The following ST6GAL1 variants were observed in gnomAD, a reference collection of about 807,000 sequenced individuals.
ST6GAL1 encodes beta-galactoside alpha-2,6-sialyltransferase 1.
Under a neutral mutation model 38.0 loss-of-function variants are expected in ST6GAL1, and 20 were observed. The ratio of observed to expected loss-of-function variants is 0.53; its 90% CI spans 0.37 to 0.77. The LOEUF (loss-of-function observed/expected upper bound fraction) is 0.77. ST6GAL1 is among the 30% of genes least tolerant of loss of function. The pLI, the probability that ST6GAL1 is intolerant of heterozygous loss-of-function variation, is 0.00. For missense variants in ST6GAL1, 432 were observed against 496.4 expected, an observed-to-expected ratio of 0.87 and a Z score of 1.23; for synonymous variants, 196 against 188.2, an observed-to-expected ratio of 1.04 and a Z score of -0.34.
intron 1 of ST6GAL1, among the ~76,000 whole-genome samples, chr3:186,947,608 ATG>A (rs537850732): frequency 3.2e-3 from 486 of 152,270 alleles, no homozygotes; most frequent in Non-Finnish European, 5.5e-3. Flanking sequence ...CATGGTTTAG[ATG>A]TAAATTTTGT....
At chr3:187,036,139 C>T (rs1717924057) in intron 2 of ST6GAL1, among the ~76,000 whole-genome samples, 1 of 152,018 alleles carries the variant, frequency 6.6e-6, no homozygotes, top group Admixed American at 6.6e-5. Context: ...AAGCTGCCAA[C>T]AAACATGAAA....
chr3:187,000,374 A>T (rs543266588), intron 2 of ST6GAL1, among the ~76,000 whole-genome samples: 7 of 145,054 alleles, frequency 4.8e-5, no homozygotes, highest in African/African-American at 1.8e-4. Flanking sequence ...ACATGGTGAA[A>T]CCCCATCTCT....
intron 2 of ST6GAL1, among the ~76,000 whole-genome samples, chr3:186,969,045 CTT>C (rs1715247922): frequency 7.9e-6 from 1 of 126,910 alleles, no homozygotes; most frequent in South Asian, 2.5e-4. Flanking sequence ...TCTTTCTTCT[CTT>C]TTTCTTTTTT....
intron 2 of ST6GAL1, among the ~76,000 whole-genome samples, chr3:186,969,462 C>G (rs1391512104): frequency 6.6e-6 from 1 of 152,184 alleles, no homozygotes; most frequent in Admixed American, 6.5e-5. Context: ...TGTTTGCCAC[C>G]TGGATGGCTC....
chr3:186,945,988 C>CAA (rs71167026), intron 1 of ST6GAL1, among the ~76,000 whole-genome samples: 23,260 of 71,278 alleles, frequency 0.33, 4,604 homozygotes, highest in Middle Eastern at 0.43. Context: ...AAGACTCCGT[C>CAA]AAAAAAAAAA....
chr3:187,055,202 A>G (rs970256933), intron 5 of ST6GAL1, among the ~76,000 whole-genome samples: 2 of 147,604 alleles, frequency 1.4e-5, no homozygotes, highest in African/African-American at 5.0e-5. Flanking sequence ...CTTCTTTATT[A>G]GTCTTGCTAG....
At chr3:187,044,556 G>A (rs565591879) in intron 4 of ST6GAL1, among the ~76,000 whole-genome samples, 1 of 152,186 alleles carries the variant, frequency 6.6e-6, no homozygotes, top group Non-Finnish European at 1.5e-5. Context: ...TTGTTTTCAA[G>A]AAACTAAATG....
intron 1 of ST6GAL1, among the ~76,000 whole-genome samples, chr3:186,937,053 C>T (rs1406014270): frequency 6.6e-6 from 1 of 151,314 alleles, no homozygotes; most frequent in Non-Finnish European, 1.5e-5. Context: ...AAAGGCAACC[C>T]CTCTTAACAG....
intron 2 of ST6GAL1, among the ~76,000 whole-genome samples, chr3:187,035,710 G>T (rs947983413): frequency 6.6e-6 from 1 of 152,084 alleles, no homozygotes; most frequent in African/African-American, 2.4e-5. Flanking sequence ...ATATGCAGAA[G>T]AATGAAACTA....
At chr3:186,955,711 C>T (rs1049214178) in intron 1 of ST6GAL1, among the ~76,000 whole-genome samples, 1 of 151,958 alleles carries the variant, frequency 6.6e-6, no homozygotes, top group Admixed American at 6.6e-5. Flanking sequence ...CCAGGTTGGC[C>T]AGGATGGTCT....
chr3:187,038,091 C>T (rs1299897697), intron 2 of ST6GAL1, among the ~76,000 whole-genome samples: 1 of 151,858 alleles, frequency 6.6e-6, no homozygotes, highest in Non-Finnish European at 1.5e-5. Flanking sequence ...CTAATTACTC[C>T]CTGTTTACCT....
intron 5 of ST6GAL1, among the ~76,000 whole-genome samples, chr3:187,064,904 G>A (rs1338565841): frequency 2.0e-5 from 3 of 152,168 alleles, no homozygotes; most frequent in Non-Finnish European, 2.9e-5. Flanking sequence ...GCACCCAGAA[G>A]TCACTGAGAG....
chr3:187,077,152 G>A lies in ST6GAL1; in HGVS notation c.*1349G>A, dbSNP rs900487068. The A allele has an allele frequency of 3.3e-5, 13 of 396,720 alleles. No homozygotes were observed. The highest frequency in any genetic ancestry group is 2.7e-4 in the African/African-American group (13 of 48,566). 24.6% of individuals were successfully genotyped at this position (396,720 alleles called of 1,614,324 possible). A position where few individuals can be genotyped will look rare whatever the true frequency, so the allele number is the denominator to read the frequency against. ...GAACTGATTCTCACCAGGTGTGAGA[G>A]GTGTGGTAGCAGATTGCAATGCTCT... On this transcript the variant is annotated 3_prime_UTR_variant, in exon 8 of 8. Coordinates refer to ENST00000169298, the MANE Select transcript of ST6GAL1 (RefSeq NM_173216.2).
At chr3:186,946,967 C>T (rs1714392952) in intron 1 of ST6GAL1, among the ~76,000 whole-genome samples, 1 of 152,048 alleles carries the variant, frequency 6.6e-6, no homozygotes, top group Admixed American at 6.5e-5. Flanking sequence ...AAAGGTTTCA[C>T]CCAGGAGACC....
At chr3:186,960,191 G>A (rs1342434144) in intron 1 of ST6GAL1, among the ~76,000 whole-genome samples, 1 of 152,210 alleles carries the variant, frequency 6.6e-6, no homozygotes, top group Non-Finnish European at 1.5e-5. Context: ...GCAAGAAGGA[G>A]TCACTGCGCC....
chr3:187,026,817 G>A (rs1466386481), intron 2 of ST6GAL1, among the ~76,000 whole-genome samples: 2 of 152,130 alleles, frequency 1.3e-5, no homozygotes, highest in African/African-American at 2.4e-5. Flanking sequence ...AGGCCGAGGC[G>A]GGTGGATCAT....
chr3:187,068,043 T>C (rs1719229299), intron 5 of ST6GAL1, among the ~76,000 whole-genome samples: 1 of 152,182 alleles, frequency 6.6e-6, no homozygotes, highest in African/African-American at 2.4e-5. Flanking sequence ...AGCACATAGG[T>C]TAGAAGTGTG....
chr3:186,934,865 C>T (rs1033559150), intron 1 of ST6GAL1, among the ~76,000 whole-genome samples: 2 of 152,034 alleles, frequency 1.3e-5, no homozygotes, highest in African/African-American at 4.8e-5. Flanking sequence ...CTCCCGGGTT[C>T]ACGCCATTCT....
intron 1 of ST6GAL1, among the ~76,000 whole-genome samples, chr3:186,958,972 A>AAT (rs1714842343): frequency 2.8e-5 from 3 of 109,052 alleles, no homozygotes; most frequent in African/African-American, 1.2e-4. Flanking sequence ...AAAAAATTAA[A>AAT]TAAATAAATA....
Sources: gnomAD v4.1 joint callset for allele counts (sites outside exome capture counted in the v4.1 genomes callset) on GRCh38, gnomAD v4.1.1 for gene constraint, MANE v1.5 for transcripts, NCBI Gene and HGNC (gene_info 2026-07-23, HGNC 2026-07-21) for gene names.